Variants in RNF135 observed in about 807,000 individuals in gnomAD.
RNF135 encodes ring finger protein 135, also known as E3 ubiquitin-protein ligase RNF135.
A neutral mutation model predicts 41.9 loss-of-function variants in RNF135; 46 were observed. That is an observed-to-expected ratio of 1.10 (90% CI 0.87 to 1.40). The LOEUF (loss-of-function observed/expected upper bound fraction) is 1.40, where lower values mean the gene tolerates loss of function less well. RNF135 is among the 40% of genes most tolerant of loss of function. RNF135 has a pLI of 0.00. For synonymous variants in RNF135, 238 were observed against 223.8 expected, an observed-to-expected ratio of 1.06 and a Z score of -0.57; for missense variants, 539 against 549.8, an observed-to-expected ratio of 0.98 and a Z score of 0.20.
At chr17:30,994,080 C>T (rs1372367053) in intron 3 of RNF135, among the ~76,000 whole-genome samples, 1 of 152,228 alleles carries the variant, frequency 6.6e-6, no homozygotes, top group African/African-American at 2.4e-5. Context: ...TGTTGGATTA[C>T]AGGCGTGAGC....
At chr17:30,962,136 C>CT in the RNF135 span, among the ~76,000 whole-genome samples, 2,118 of 145,708 alleles carry the variant, frequency 0.015, 40 homozygotes, top group African/African-American at 0.046. Flanking sequence ...CTATGCTGCA[C>CT]TTTTTTTTTT....
At chr17:30,964,389 C>CAAAAA in the RNF135 span, among the ~76,000 whole-genome samples, 6 of 37,184 alleles carry the variant, frequency 1.6e-4, no homozygotes, top group Middle Eastern at 0.017. Flanking sequence ...GACTTCATCT[C>CAAAAA]AAAAAAAAAA....
chr17:30,981,252 C>T (rs541175242), intron 1 of RNF135, among the ~76,000 whole-genome samples: 6 of 147,260 alleles, frequency 4.1e-5, no homozygotes, highest in African/African-American at 1.1e-4. Flanking sequence ...CGCAGGCACT[C>T]GACAGGCTGA....
chr17:30,977,034 C>T (rs1331678635), intron 1 of RNF135, among the ~76,000 whole-genome samples: 1 of 152,068 alleles, frequency 6.6e-6, no homozygotes, highest in Non-Finnish European at 1.5e-5. Context: ...TTTCTGTCTT[C>T]CTTTAAATGA....
At chr17:30,987,149 A>G (rs1442786007) in intron 2 of RNF135, among the ~76,000 whole-genome samples, 1 of 152,192 alleles carries the variant, frequency 6.6e-6, no homozygotes, top group African/African-American at 2.4e-5. Context: ...AAGGCCCTAG[A>G]AAGCAGGACC....
chr17:30,984,675 A>G lies in RNF135; in HGVS notation c.431A>G (p.His144Arg). The change falls in exon 2 of 5, where the codon CAT becomes CGT. Residue 144 changes from histidine to arginine, a missense_variant. By Grantham distance (29) the His-to-Arg change is conservative (BLOSUM62 0). This residue lies in a region of RNF135 where 277 missense variants were observed against 212.8 expected (regional missense o/e 1.30). Coordinates refer to ENST00000328381, the MANE Select transcript of RNF135 (RefSeq NM_032322.4). ...VAQELTELVE[H>R]LVDIVRSLQN... ...CAGGAGCTGACAGAGCTGGTGGAAC[A>G]TCTTGTAGACATTGTCAGAAGCCTG... The G allele has an allele frequency of 6.2e-7, 1 of 1,614,092 alleles. No individual in the cohort carries two copies. Among genetic ancestry groups the G allele is most frequent in the East Asian group, 2.2e-5 (1 of 44,902 alleles).
In RNF135 at chr17:30,971,324, A is replaced by C; in HGVS notation, c.251A>C (p.Lys84Thr). The change falls in exon 1 of 5, where the codon AAG (lysine) becomes ACG (threonine). Residue 84 changes from lysine (K) to threonine (T), a missense_variant. By Grantham distance (78) the Lys-to-Thr change is moderately conservative. Coordinates refer to ENST00000328381, the MANE Select transcript of RNF135 (RefSeq NM_032322.4). ...KNTLLQDLAD[K>T]YRRAAREIQA... ...ACGCTACTGCAGGACCTGGCCGACA[A>C]GTACCGCCGCGCCGCACGCGAGATA... The C allele has an allele frequency of 1.3e-6, 2 of 1,533,736 alleles. No homozygotes were observed. Among genetic ancestry groups the C allele is most frequent in the Non-Finnish European group, 8.7e-7 (1 of 1,143,582 alleles).
At chr17:30,997,185 C>A in intron 3 of RNF135, 57 bp from the exon 4 acceptor site, 1 of 1,312,222 alleles carries the variant, frequency 7.6e-7, no homozygotes, top group Non-Finnish European at 1.1e-6. Flanking sequence ...TGTTTGGAGA[C>A]CTTCAGTTTG....
chr17:30,968,452 C>T (rs556564932), upstream of RNF135, among the ~76,000 whole-genome samples: 3 of 149,340 alleles, frequency 2.0e-5, no homozygotes, highest in African/African-American at 7.4e-5. Flanking sequence ...GTGGTGCGAA[C>T]TCAGCTCACT....
chr17:30,987,293 ATCTTCTCAGC>A (rs1907659061), intron 2 of RNF135, among the ~76,000 whole-genome samples: 1 of 151,460 alleles, frequency 6.6e-6, no homozygotes, highest in Admixed American at 6.6e-5. Flanking sequence ...CAGTGGCATG[ATCTTCTCAGC>A]TCAGTACAAC....
At chr17:30,986,345 C>T (rs1019408724) in intron 2 of RNF135, among the ~76,000 whole-genome samples, 15 of 151,954 alleles carry the variant, frequency 9.9e-5, no homozygotes, top group African/African-American at 3.4e-4. Flanking sequence ...TACAGGTGTC[C>T]GCCACCACTC....
At chr17:30,967,785 T>G (rs1046762869), upstream of RNF135, among the ~76,000 whole-genome samples, 10 of 151,592 alleles carry the variant, frequency 6.6e-5, 1 homozygote, top group African/African-American at 2.4e-4. Context: ...CATGGCAACC[T>G]TCACCTCCCG....
intron 2 of RNF135, among the ~76,000 whole-genome samples, chr17:30,987,263 C>G (rs1224426380): frequency 2.6e-5 from 4 of 151,094 alleles, no homozygotes; most frequent in Non-Finnish European, 5.9e-5. Flanking sequence ...GAGTCTTGCT[C>G]TGTCGCCCAG....
intron 3 of RNF135, among the ~76,000 whole-genome samples, chr17:30,996,721 C>T (rs1908373581): frequency 6.6e-6 from 1 of 152,198 alleles, no homozygotes; most frequent in African/African-American, 2.4e-5. Flanking sequence ...TGCACTCTAG[C>T]ACACATGACT....
chr17:30,996,755 T>C (rs1461026828), intron 3 of RNF135, among the ~76,000 whole-genome samples: 2 of 152,222 alleles, frequency 1.3e-5, no homozygotes, highest in Non-Finnish European at 2.9e-5. Flanking sequence ...AATTAAACTT[T>C]AGCACATCGA....
intron 4 of RNF135, among the ~76,000 whole-genome samples, chr17:30,997,961 G>A (rs1908477479): frequency 6.6e-6 from 1 of 152,230 alleles, no homozygotes; most frequent in Non-Finnish European, 1.5e-5. Context: ...TACAAAGTGA[G>A]TAAGACATGG....
At chr17:30,982,577 A>G (rs1237473007) in intron 1 of RNF135, among the ~76,000 whole-genome samples, 1 of 152,122 alleles carries the variant, frequency 6.6e-6, no homozygotes, top group African/African-American at 2.4e-5. Context: ...CAGGTACTGT[A>G]AGTACCCCTG....
chr17:30,983,056 C>T (rs1259599608), intron 1 of RNF135, among the ~76,000 whole-genome samples: 2 of 151,868 alleles, frequency 1.3e-5, no homozygotes, highest in African/African-American at 2.4e-5. Context: ...AGCATAATGT[C>T]TTCAAGGGTT....
Position 30,971,057 on chromosome 17 carries a change from C to T in RNF135, c.-17C>T. 6 of 1,533,904 alleles carry T rather than the reference C, an allele frequency of 3.9e-6. No individual in the cohort carries two copies. The highest frequency in any genetic ancestry group is 4.4e-6 in the Non-Finnish European group (5 of 1,145,920). ...CCGGCTCAACCCCGACGTCCGCGCC[C>T]CGGCCGCCTGTTGGCCATGGCGGGC... On this transcript the variant is annotated 5_prime_UTR_variant, in exon 1 of 5. Coordinates refer to ENST00000328381, the MANE Select transcript of RNF135 (RefSeq NM_032322.4).
Sources: allele counts gnomAD v4.1 joint callset (sites outside exome capture counted in the v4.1 genomes callset), GRCh38; gene constraint gnomAD v4.1.1; regional missense constraint gnomAD v4.1.1; transcripts MANE v1.5; gene names NCBI Gene and HGNC (gene_info 2026-07-23, HGNC 2026-07-21).